Variants in RBFOX1 observed in about 807,000 individuals in gnomAD.
RBFOX1 encodes RNA binding protein fox-1 homolog 1.
In RBFOX1, 8 loss-of-function variants were observed where a neutral mutation model predicts 57.7. The ratio of observed to expected loss-of-function variants is 0.14; its 90% CI spans 0.08 to 0.25. The LOEUF (loss-of-function observed/expected upper bound fraction) is 0.25, where lower values mean the gene tolerates loss of function less well. Ranked by LOEUF, RBFOX1 falls within the 10% of genes least tolerant of loss-of-function variation. The probability of loss-of-function intolerance (pLI) is 1.00; values close to 1 mark genes in which losing one functional copy is unlikely to be tolerated. For missense variants in RBFOX1, 611 were observed against 548.5 expected (o/e 1.11, Z -1.14); for synonymous variants, 326 against 222.4 (o/e 1.47, Z -4.15).
intron 3 of RBFOX1, among the ~76,000 whole-genome samples, chr16:6,906,485 A>G (rs1055622520): frequency 1.3e-5 from 2 of 152,192 alleles, no homozygotes; most frequent in African/African-American, 4.8e-5. Flanking sequence ...ATAAGAGTGT[A>G]TGCATTAAAA....
chr16:6,100,325 G>C (rs2152554519), intron 1 of RBFOX1, among the ~76,000 whole-genome samples: 1 of 152,244 alleles, frequency 6.6e-6, no homozygotes, highest in South Asian at 2.1e-4. Context: ...ATTACGCCTG[G>C]CTAATGTTTT....
At position 5,416,619 on chromosome 16, in the gene RBFOX1, C is replaced by G. The variant is rs539496606; in HGVS notation, c.220-50597C>G. Among the ~76,000 whole-genome samples, 4 of 151,720 alleles carry G rather than the reference C, an allele frequency of 2.6e-5. No homozygotes were observed. In the East Asian group the frequency reaches 5.8e-4, roughly 22 times the overall value. ...TTTAAAGATCTCACTGCATTTTCTT[C>G]TGAACTGCGTGATTTGAAGTCTCTT... On this transcript the variant is annotated intron_variant, in intron 1 of 2. Coordinates refer to the RBFOX1 transcript ENST00000585867.
chr16:6,190,904 T>C (rs777934851), intron 1 of RBFOX1, among the ~76,000 whole-genome samples: 7 of 152,150 alleles, frequency 4.6e-5, no homozygotes, highest in Non-Finnish European at 7.4e-5. Flanking sequence ...GTGGTGTGAC[T>C]GTAAGTGAGA....
chr16:5,515,562 A>G (rs2043761560), intron 2 of RBFOX1, among the ~76,000 whole-genome samples: 1 of 152,266 alleles, frequency 6.6e-6, no homozygotes, highest in Non-Finnish European at 1.5e-5. Flanking sequence ...TAATTGAGAT[A>G]TTGGAAGATG....
chr16:5,867,738 G>A (rs1417473202), intron 4 of RBFOX1, among the ~76,000 whole-genome samples: 3 of 152,002 alleles, frequency 2.0e-5, no homozygotes, highest in Admixed American at 6.6e-5. Flanking sequence ...TTGGGACAGA[G>A]TCTCACTCTG....
chr16:5,314,235 A>G (rs1345035104), intron 1 of RBFOX1, among the ~76,000 whole-genome samples: 1 of 152,194 alleles, frequency 6.6e-6, no homozygotes, highest in Non-Finnish European at 1.5e-5. Context: ...AGGCAACCCA[A>G]CTTGCGAATG....
intron 1 of RBFOX1, among the ~76,000 whole-genome samples, chr16:5,459,415 T>C (rs2068724172): frequency 6.6e-6 from 1 of 152,138 alleles, no homozygotes; most frequent in African/African-American, 2.4e-5. Flanking sequence ...CTTAGCACTT[T>C]GCTAAACCAC....
At position 7,403,892 on chromosome 16, in the gene RBFOX1, T is replaced by C. The variant is rs1190248878; in HGVS notation, c.28-114255T>C. 2.0e-5 allele frequency among the ~76,000 whole-genome samples: 3 copies of C among 150,582 alleles called. No homozygotes were observed. In the East Asian group the frequency reaches 5.9e-4, roughly 30 times the overall value. On this transcript the variant is annotated intron_variant, in intron 4 of 15. Transcript: ENST00000550418. ...AATAATATTCTAGTACGTACATAAA[T>C]TTTAATTAAATATTATTCTTTTATA...
chr16:7,600,861 A>T (rs551620519), intron 9 of RBFOX1, among the ~76,000 whole-genome samples: 1 of 152,270 alleles, frequency 6.6e-6, no homozygotes, highest in Admixed American at 6.5e-5. Context: ...GGATATTTAA[A>T]CAATGACATA....
chr16:5,992,536 G>A (rs2060418741), intron 4 of RBFOX1, among the ~76,000 whole-genome samples: 1 of 152,202 alleles, frequency 6.6e-6, no homozygotes. Flanking sequence ...TCGTGTGCAT[G>A]TATGTGTGTG....
At chr16:6,752,651 A>T (rs1360741883) in intron 3 of RBFOX1, among the ~76,000 whole-genome samples, 1 of 152,122 alleles carries the variant, frequency 6.6e-6, no homozygotes, top group Non-Finnish European at 1.5e-5. Context: ...CCTGCTCTGG[A>T]ATACCGGTAA....
At chr16:5,518,515 G>T (rs1037983071) in intron 2 of RBFOX1, among the ~76,000 whole-genome samples, 4 of 152,194 alleles carry the variant, frequency 2.6e-5, no homozygotes, top group Non-Finnish European at 2.9e-5. Context: ...AACTAATTAA[G>T]TGGGTCAACC....
chr16:7,377,610 A>G (rs1344890532), intron 4 of RBFOX1, among the ~76,000 whole-genome samples: 2 of 152,332 alleles, frequency 1.3e-5, no homozygotes, highest in East Asian at 1.9e-4. Context: ...CTTTATCAGT[A>G]TAACTTTATA....
In RBFOX1 at chr16:6,110,808, T is replaced by C. The variant is rs1343524803; in HGVS notation, c.-127+90816T>C. On this transcript the variant is annotated intron_variant, in intron 1 of 15. Coordinates refer to ENST00000550418, the MANE Select transcript of RBFOX1 (RefSeq NM_018723.4). ...ACTGCTGCAACCAGGGAGGCAGTGC[T>C]GCTGGCATTAGTGGGTAGAGGCCAG... Among the ~76,000 whole-genome samples, 3 of 152,204 alleles carry C rather than the reference T, an allele frequency of 2.0e-5. No individual in the cohort carries two copies. The East Asian group carries it at 5.8e-4, about 29-fold the overall frequency.
intron 3 of RBFOX1, among the ~76,000 whole-genome samples, chr16:6,849,362 T>C (rs1354006233): frequency 2.0e-5 from 3 of 152,196 alleles, no homozygotes; most frequent in East Asian, 1.9e-4. Context: ...TATAGTCTTA[T>C]ACTTTAGATA....
intron 4 of RBFOX1, among the ~76,000 whole-genome samples, chr16:7,139,027 C>G (rs181023223): frequency 2.3e-4 from 35 of 152,252 alleles, no homozygotes; most frequent in African/African-American, 8.2e-4. Context: ...TGGTCTCAAA[C>G]TCCTGGCCCC....
intron 3 of RBFOX1, among the ~76,000 whole-genome samples, chr16:5,682,344 A>G (rs1379114190): frequency 1.3e-5 from 2 of 152,176 alleles, no homozygotes; most frequent in Non-Finnish European, 2.9e-5. Context: ...CAGCTGTGAA[A>G]CCTAGTATTT....
intron 1 of RBFOX1, among the ~76,000 whole-genome samples, chr16:6,250,171 C>T (rs2097597115): frequency 1.3e-5 from 2 of 152,154 alleles, no homozygotes; most frequent in Admixed American, 1.3e-4. Flanking sequence ...TGCTTAGTTG[C>T]TTGCTTTCAC....
intron 4 of RBFOX1, among the ~76,000 whole-genome samples, chr16:5,966,514 A>G (rs994918031): frequency 1.9e-4 from 29 of 152,122 alleles, no homozygotes; most frequent in Admixed American, 1.6e-3. Flanking sequence ...CTGGAGCGCA[A>G]TGGCGCGTTC....
Sources: allele counts gnomAD v4.1 joint callset (sites outside exome capture counted in the v4.1 genomes callset), GRCh38; gene constraint gnomAD v4.1.1; transcripts MANE v1.5; gene names NCBI Gene and HGNC (gene_info 2026-07-23, HGNC 2026-07-21).